UGT1A5: variants seen among roughly 807,000 people sequenced by gnomAD.
UGT1A5 encodes UDP-glucuronosyltransferase 1A5.
UGT1A5 carries 29 observed loss-of-function variants against 40.3 expected under a neutral mutation model. That is an observed-to-expected ratio of 0.72 (90% CI 0.54 to 0.98). UGT1A5 has a LOEUF of 0.98. Among genes scored for constraint, UGT1A5 ranks in the 50% least tolerant of loss-of-function variants. The pLI is 0.00. For missense variants in UGT1A5, 678 were observed against 677.9 expected (o/e 1.00, Z 0.00); for synonymous variants, 257 against 262.5 (o/e 0.98, Z 0.20).
At chr2:233,732,938 A>G (rs2078338826) in intron 1 of UGT1A5, among the ~76,000 whole-genome samples, 1 of 152,098 alleles carries the variant, frequency 6.6e-6, no homozygotes, top group South Asian at 2.1e-4. Flanking sequence ...CTTCCTATCC[A>G]TGAGCATGGA....
intron 1 of UGT1A5, among the ~76,000 whole-genome samples, chr2:233,731,210 T>A (rs2078122398): frequency 6.6e-6 from 1 of 152,162 alleles, no homozygotes; most frequent in Non-Finnish European, 1.5e-5. Context: ...AATACGTGTT[T>A]ATTTAGATTT....
intron 1 of UGT1A5, chr2:233,717,743 G>A (rs182116418): frequency 2.2e-6 from 1 of 456,536 alleles, no homozygotes; most frequent in East Asian, 6.9e-5. Flanking sequence ...AGTGCTCAGG[G>A]TCTCCCCCTA....
intron 1 of UGT1A5, among the ~76,000 whole-genome samples, chr2:233,746,331 A>C (rs1482608381): frequency 6.6e-6 from 1 of 151,784 alleles, no homozygotes; most frequent in Admixed American, 6.5e-5. Flanking sequence ...TCTACAGGGC[A>C]ATGGACATGT....
chr2:233,716,843 C>G (rs1303779141), intron 1 of UGT1A5, among the ~76,000 whole-genome samples: 1 of 152,176 alleles, frequency 6.6e-6, no homozygotes, highest in Non-Finnish European at 1.5e-5. Context: ...ATGGCTTCAG[C>G]TACCACATAT....
At chr2:233,739,868 G>A (rs1691228804) in intron 1 of UGT1A5, among the ~76,000 whole-genome samples, 1 of 151,904 alleles carries the variant, frequency 6.6e-6, no homozygotes. Context: ...AGAATGATAT[G>A]ATTTGACTGT....
chr2:233,724,248 C>A (rs1157079277), intron 1 of UGT1A5, among the ~76,000 whole-genome samples: 1 of 130,578 alleles, frequency 7.7e-6, no homozygotes, highest in Admixed American at 7.2e-5. Context: ...GGCAGAGGCG[C>A]CCCTCACCTC....
chr2:233,761,836 A>C (rs1697880138), intron 1 of UGT1A5, among the ~76,000 whole-genome samples: 1 of 152,212 alleles, frequency 6.6e-6, no homozygotes, highest in African/African-American at 2.4e-5. Flanking sequence ...ATGGAGCGTT[A>C]GGGAATTACT....
intron 1 of UGT1A5, chr2:233,742,758 T>C (rs1302155264): frequency 1.3e-5 from 2 of 153,094 alleles, no homozygotes. Flanking sequence ...AATATTAAGA[T>C]AATAAATGCA....
At chr2:233,733,150 A>G (rs1001837266) in intron 1 of UGT1A5, among the ~76,000 whole-genome samples, 7 of 152,190 alleles carry the variant, frequency 4.6e-5, no homozygotes, top group Non-Finnish European at 7.3e-5. Flanking sequence ...ATTTTTGCAC[A>G]TTGATTTTGT....
intron 1 of UGT1A5, chr2:233,747,293 A>C (rs1693613348): frequency 3.7e-6 from 6 of 1,600,642 alleles, no homozygotes; most frequent in Non-Finnish European, 5.1e-6. Context: ...CCCTGGGCTG[A>C]GAGTGGGAAG....
intron 1 of UGT1A5, among the ~76,000 whole-genome samples, chr2:233,764,157 G>A (rs1698491746): frequency 6.6e-6 from 1 of 152,190 alleles, no homozygotes; most frequent in African/African-American, 2.4e-5. Flanking sequence ...GGCTGGTGAA[G>A]TCTCATCAGA....
intron 1 of UGT1A5, among the ~76,000 whole-genome samples, chr2:233,764,955 T>G (rs891211439): frequency 6.6e-6 from 1 of 151,792 alleles, no homozygotes; most frequent in Non-Finnish European, 1.5e-5. Flanking sequence ...GAGAGAGGGC[T>G]CACCTTGGGA....
chr2:233,740,284 G>T (rs932768125), intron 1 of UGT1A5, among the ~76,000 whole-genome samples: 1 of 151,852 alleles, frequency 6.6e-6, no homozygotes, highest in Non-Finnish European at 1.5e-5. Flanking sequence ...ATACTGAAAG[G>T]GTTTAAAGGA....
intron 1 of UGT1A5, among the ~76,000 whole-genome samples, chr2:233,757,562 G>GATATATATATATATA (rs1696648748): frequency 1.1e-5 from 1 of 90,870 alleles, no homozygotes; most frequent in Non-Finnish European, 2.1e-5. Context: ...ATATATATAT[G>GATATATATATATATA]TATATATGAT....
At chr2:233,754,727 A>G (rs1302985186) in intron 1 of UGT1A5, 1 of 608,774 alleles carries the variant, frequency 1.6e-6, no homozygotes, top group Non-Finnish European at 2.8e-6. Context: ...CTGTCCCATC[A>G]CTACCGTAGG....
Position 233,724,632 on chromosome 2 carries a change from A to G in UGT1A5, c.867+10774A>G, listed in dbSNP as rs1200392360. On this transcript the variant is annotated intron_variant, in intron 1 of 4. Transcript: ENST00000373414. ...CGGGCAGAGACGCTCCTCACTTCCT[A>G]GATGTGATGGCGGCTGGGAAGAGGC... Among the ~76,000 whole-genome samples, 15 of 136,662 alleles carry G rather than the reference A, an allele frequency of 1.1e-4. 1 individual carries two copies. Among genetic ancestry groups the G allele is most frequent in the Non-Finnish European group, 2.0e-4 (13 of 64,126 alleles). 89.7% of individuals were successfully genotyped at this position (136,662 alleles called of 152,430 possible).
rs552027394 is a variant in UGT1A5, at chr2:233,768,534, G to A, written c.1307+95G>A. On this transcript the variant is annotated intron_variant, in intron 4 of 4. Transcript: ENST00000373414. ...CATTTACGTAGCATTTAATAGCGTT[G>A]TTTCAAATATAAAAACAAATACATA... 263 of 1,375,928 alleles carry A rather than the reference G, an allele frequency of 1.9e-4. 3 individuals carry two copies. In the South Asian group the frequency reaches 4.1e-3, roughly 21 times the overall value. The allele number at this position is 1,375,928 out of a possible 1,614,324, so 85.2% of individuals were successfully genotyped here.
intron 2 of UGT1A5, 113 bp downstream of exon 2, chr2:233,767,278 T>A: frequency 6.3e-7 from 1 of 1,578,298 alleles, no homozygotes; most frequent in Non-Finnish European, 8.5e-7. Flanking sequence ...GGCTTTTCCC[T>A]GCCACTTCCC....
intron 1 of UGT1A5, among the ~76,000 whole-genome samples, chr2:233,725,558 CAT>C (rs771607724): frequency 6.6e-6 from 1 of 152,212 alleles, no homozygotes; most frequent in Middle Eastern, 3.4e-3. Context: ...ATCCTTTCAA[CAT>C]ATATTCGATA....
Sources: allele counts gnomAD v4.1 joint callset (sites outside exome capture counted in the v4.1 genomes callset), GRCh38; gene constraint gnomAD v4.1.1; transcripts MANE v1.5; gene names NCBI Gene and HGNC (gene_info 2026-07-23, HGNC 2026-07-21).